Variants in CHTF18 observed in about 807,000 individuals in gnomAD.
CHTF18 encodes the protein chromosome transmission fidelity protein 18 homolog.
In CHTF18, 151 loss-of-function variants were observed where a neutral mutation model predicts 113.4. The ratio of observed to expected loss-of-function variants is 1.33; its 90% CI spans 1.17 to 1.52. The LOEUF (loss-of-function observed/expected upper bound fraction) is 1.52, where lower values mean the gene tolerates loss of function less well. Among genes scored for constraint, CHTF18 ranks in the 40% most tolerant of loss-of-function variants. The probability of loss-of-function intolerance (pLI) is 0.00; values close to 1 mark genes in which losing one functional copy is unlikely to be tolerated. For missense variants in CHTF18, 1,982 were observed against 1,381.6 expected (o/e 1.43, Z -6.89); for synonymous variants, 916 against 598.8 (o/e 1.53, Z -7.74).
At chr16:789,789 C>A in intron 4 of CHTF18, 74 bp downstream of exon 4, 3 of 1,458,430 alleles carry the variant, frequency 2.1e-6, no homozygotes, top group Non-Finnish European at 1.8e-6. Context: ...AGCCCCTCAC[C>A]CCTGCCATTT....
At chr16:796,640 G>A (rs1303977229) in intron 18 of CHTF18, 77 bp from the exon 19 acceptor site, 23 of 1,452,048 alleles carry the variant, frequency 1.6e-5, no homozygotes, top group Admixed American at 7.5e-5. Context: ...TGGGGTTTGC[G>A]GTTGGAGTGC....
chr16:795,372 C>T lies in CHTF18; in HGVS notation c.2175+16C>T, dbSNP rs554710212. On this transcript the variant is annotated intron_variant, in intron 16 of 21. Coordinates refer to ENST00000262315, the MANE Select transcript of CHTF18 (RefSeq NM_022092.3). ...CCAGCAGGAGGTGTGCTCGTCCCTGCACCACGCCTGCCCCCGGCCCCGTGC... is the reference window on the plus strand; with the variant it reads ...CCAGCAGGAGGTGTGCTCGTCCCTGTACCACGCCTGCCCCCGGCCCCGTGC... The T allele has an allele frequency of 6.5e-7, 1 of 1,540,912 alleles. No individual in the cohort carries two copies. The highest frequency in any genetic ancestry group is 1.2e-5 in the South Asian group (1 of 83,632).
At position 789,706 on chromosome 16, in the gene CHTF18, G is replaced by T; in HGVS notation, c.597G>T (p.Pro199=). ...YLVLRADPMA[P]GVQGSLLHVP... ...TGCTGCGTGCTGACCCCATGGCCCC[G>T]GGGGTGCAGGTGCGTGGCTGTGGCC... is the stretch of plus-strand genomic sequence containing the variant. Residue 199 remains proline (P), a synonymous_variant, in exon 4 of 22, where the codon CCG becomes CCT. Transcript: ENST00000262315. 1 of 1,589,124 alleles carries T rather than the reference G, an allele frequency of 6.3e-7. No individual in the cohort carries two copies. Among genetic ancestry groups the T allele is most frequent in the Non-Finnish European group, 8.5e-7 (1 of 1,173,498 alleles).
chr16:794,048 C>T lies in CHTF18; in HGVS notation c.1803-6C>T, dbSNP rs1056617047. ...GGTCCATCTAGCTTCAGCACCCCAC[C>T]TGCAGGCGCCGTGTGGGCCAGGACC... On this transcript the variant is annotated splice_polypyrimidine_tract_variant and splice_region_variant and intron_variant, in intron 14 of 21. Coordinates refer to ENST00000262315, the MANE Select transcript of CHTF18 (RefSeq NM_022092.3). 6.2e-6 allele frequency: 10 copies of T among 1,607,274 alleles called. No homozygotes were observed. Among genetic ancestry groups the T allele is most frequent in the African/African-American group, 1.3e-5 (1 of 74,822 alleles).
At chr16:792,660 C>G (rs2042231801) in intron 11 of CHTF18, 58 bp from the exon 12 acceptor site, 1 of 1,589,332 alleles carries the variant, frequency 6.3e-7, no homozygotes. Flanking sequence ...CGGCCCGTCC[C>G]TGTGTCCTGG....
rs1482825421 is a variant in CHTF18 at position 788,953 on chromosome 16, C to T, written c.114C>T (p.Ser38=). ...CAGGGGCGTCGACTCCGTCGCCCTC[C>T]GGGGTCCCCCTGTTCACCGCGGGCC... ...ELEGASTPSP[S]GVPLFTAGRP... The change falls in exon 2 of 22, where the codon TCC becomes TCT. Residue 38 remains serine, a synonymous_variant. Coordinates refer to ENST00000262315, the MANE Select transcript of CHTF18 (RefSeq NM_022092.3). 1.3e-6 allele frequency: 2 copies of T among 1,562,916 alleles called. No individual in the cohort carries two copies. The highest frequency in any genetic ancestry group is 1.7e-6 in the Non-Finnish European group (2 of 1,162,694).
At position 795,264 on chromosome 16, in the gene CHTF18, C is replaced by T; in HGVS notation, c.2083C>T (p.Leu695=). 5.2e-6 allele frequency: 8 copies of T among 1,549,266 alleles called. No individual in the cohort carries two copies. Among genetic ancestry groups the T allele is most frequent in the Non-Finnish European group, 7.0e-6 (8 of 1,146,804 alleles). The part of the protein sequence containing the change: ...AAHHSQSFQL[L]RYPPFLPVAF... ...TCATCACAGCCAGAGCTTCCAGCTG[C>T]TGCGCTACCCACCCTTCCTGCCCGT... The change falls in exon 16 of 22, where the codon CTG becomes TTG. Residue 695 remains leucine (L), a synonymous_variant. Coordinates refer to ENST00000262315, the MANE Select transcript of CHTF18 (RefSeq NM_022092.3).
intron 10 of CHTF18, 34 bp downstream of exon 10, chr16:792,381 C>T (rs770810840): frequency 6.3e-5 from 98 of 1,559,548 alleles, no homozygotes; most frequent in Non-Finnish European, 8.0e-5. Context: ...GGTGGGTGGG[C>T]GGGCAGGCAG....
intron 7 of CHTF18, 85 bp downstream of exon 7, chr16:790,751 C>A: frequency 6.9e-7 from 1 of 1,450,236 alleles, no homozygotes; most frequent in South Asian, 1.5e-5. Flanking sequence ...TTTGCACAGC[C>A]AATCCACTGG....
intron 8 of CHTF18, 115 bp downstream of exon 8, chr16:791,485 C>T (rs1445262867): frequency 3.4e-6 from 5 of 1,450,462 alleles, no homozygotes; most frequent in East Asian, 2.5e-5. Flanking sequence ...ACGTGTGGGT[C>T]TTGGCGTGAA....
In CHTF18 at chr16:789,646, C is replaced by G. The variant is rs78038349; in HGVS notation, c.537C>G (p.His179Gln). The G allele has an allele frequency of 1.2e-6, 2 of 1,606,722 alleles. No homozygotes were observed. The highest frequency in any genetic ancestry group is 1.7e-6 in the Non-Finnish European group (2 of 1,179,730). The change falls in exon 4 of 22, where the codon CAC becomes CAG. Residue 179 changes from histidine to glutamine, a missense_variant. Transcript: ENST00000262315. ...RRPPILEDYV[H>Q]VTSTEGVRAY... ...CCCCCATCTTGGAGGACTACGTCCA[C>G]GTGACATCCACGGAGGGCGTCCGGG...
intron 14 of CHTF18, 26 bp from the exon 15 acceptor site, chr16:794,028 A>G (rs771362266): frequency 3.7e-6 from 6 of 1,601,806 alleles, no homozygotes; most frequent in Non-Finnish European, 5.1e-6. Flanking sequence ...ACACGGGTCC[A>G]TCTAGCTTCA....
rs748292926 is a variant in CHTF18 at position 795,822 on chromosome 16, C to T, written c.2313C>T (p.Pro771=). Residue 771 remains proline, a synonymous_variant, in exon 17 of 22, where the codon CCC becomes CCT. Transcript: ENST00000262315. ...GCCTGCTCCTGGACATTCTTGCACC[C>T]AAGCTCCGCCCCGTGAGTGCCGTCC... ...ALCLLLDILA[P]KLRPVSTQLY... The T allele has an allele frequency of 6.2e-7, 1 of 1,609,682 alleles. No individual in the cohort carries two copies. Among genetic ancestry groups the T allele is most frequent in the Non-Finnish European group, 8.5e-7 (1 of 1,178,752 alleles).
At position 792,963 on chromosome 16, in the gene CHTF18, C is replaced by T. The variant is rs771621273; in HGVS notation, c.1573-3C>T. ...GGGCCCTCCAGCAGCCCTTCTCCAC[C>T]AGGTCTCCCTGCGGCAGGGCATGAG... On this transcript the variant is annotated splice_region_variant and splice_polypyrimidine_tract_variant and intron_variant, in intron 12 of 21. Transcript: ENST00000262315. 1.4e-5 allele frequency: 21 copies of T among 1,554,464 alleles called. No homozygotes were observed. The Middle Eastern group carries it at 5.0e-4, about 37-fold the overall frequency.
At chr16:792,920 A>C (rs2042239414) in intron 12 of CHTF18, 46 bp from the exon 13 acceptor site, 1 of 1,540,828 alleles carries the variant, frequency 6.5e-7, no homozygotes, top group Admixed American at 2.0e-5. Context: ...AACCCCTGAA[A>C]GGATGGGGCA....
Position 793,320 on chromosome 16 carries a change from A to G in CHTF18, c.1802+46A>G. The G allele has an allele frequency of 1.9e-6, 3 of 1,594,678 alleles. No homozygotes were observed. In the South Asian group the frequency reaches 3.4e-5, roughly 18 times the overall value. On this transcript the variant is annotated intron_variant, in intron 14 of 21. Transcript: ENST00000262315. ...CGGCCCAGATGCTCACGGTGCCCGG[A>G]CCTCAGGACGCTAGCCCTGTGTGCA...
intron 15 of CHTF18, 119 bp downstream of exon 15, chr16:794,320 G>T: frequency 8.3e-7 from 1 of 1,210,660 alleles, no homozygotes; most frequent in Non-Finnish European, 1.1e-6. Flanking sequence ...GCTGAGAGAG[G>T]CAGGTTCGGG....
chr16:795,931 G>A lies in CHTF18; in HGVS notation c.2326-16G>A, dbSNP rs1437384362. 1.2e-6 allele frequency: 2 copies of A among 1,603,500 alleles called. No homozygotes were observed. Among genetic ancestry groups the A allele is most frequent in the Non-Finnish European group, 8.5e-7 (1 of 1,173,452 alleles). Reference sequence around the variant, plus strand: ...CAGCCTGCTCAGCTCCCTGTCTGCTGCCTCCCATCCCCTAGGTGAGCACAC... The same window carrying A: ...CAGCCTGCTCAGCTCCCTGTCTGCTACCTCCCATCCCCTAGGTGAGCACAC... On this transcript the variant is annotated splice_polypyrimidine_tract_variant and intron_variant, in intron 17 of 21. Transcript: ENST00000262315.
rs1362051865 is a variant in CHTF18 at position 798,010 on chromosome 16, C to T, written c.*35C>T. ...CCGCGGACATGCCCTCGCATTGCTT[C>T]CCGCAGAGTGCAGAGACAGGAAGCT... On this transcript the variant is annotated 3_prime_UTR_variant, in exon 22 of 22. Transcript: ENST00000262315. 1.9e-6 allele frequency: 3 copies of T among 1,593,122 alleles called. No homozygotes were observed. The highest frequency in any genetic ancestry group is 1.1e-5 in the South Asian group (1 of 89,164).
Sources: allele counts gnomAD v4.1 joint callset, GRCh38; gene constraint gnomAD v4.1.1; transcripts MANE v1.5; gene names NCBI Gene and HGNC (gene_info 2026-07-23, HGNC 2026-07-21).